RALYL: variants seen among roughly 807,000 people sequenced by gnomAD.
The protein encoded by RALYL is RNA-binding Raly-like protein.
In RALYL, 29 loss-of-function variants were observed where a neutral mutation model predicts 35.1. That is an observed-to-expected ratio of 0.83 (90% CI 0.61 to 1.13). The LOEUF (loss-of-function observed/expected upper bound fraction) is 1.13. Among genes scored for constraint, RALYL ranks in the 50% most tolerant of loss-of-function variants. RALYL has a pLI of 0.00. For missense variants in RALYL, 359 were observed against 360.4 expected, an observed-to-expected ratio of 1.00 and a Z score of 0.03; for synonymous variants, 120 against 127.6, an observed-to-expected ratio of 0.94 and a Z score of 0.40.
In RALYL at chr8:84,397,781, A is replaced by G. The variant is rs537479152; in HGVS notation, c.-23-131518A>G. Among the ~76,000 whole-genome samples the G allele has an allele frequency of 3.3e-5, 5 of 151,658 alleles. No homozygotes were observed. The South Asian group carries it at 1.0e-3, about 31-fold the overall frequency. ...GATCATGTTCTTGCATCAGTCGCAGACAAGCAAAAAGCTGAACTCAGTACT... is the reference window on the plus strand; with the variant it reads ...GATCATGTTCTTGCATCAGTCGCAGGCAAGCAAAAAGCTGAACTCAGTACT... On this transcript the variant is annotated intron_variant, in intron 1 of 8. Coordinates refer to ENST00000521268, the MANE Select transcript of RALYL (RefSeq NM_173848.7).
chr8:84,732,667 A>G, intron 2 of RALYL, among the ~76,000 whole-genome samples: 1 of 98,690 alleles, frequency 1.0e-5, no homozygotes, highest in African/African-American at 5.6e-5. Flanking sequence ...TTATTAAATA[A>G]TTATATATAT....
At chr8:84,316,022 T>A (rs191477984) in intron 1 of RALYL, among the ~76,000 whole-genome samples, 206 of 152,270 alleles carry the variant, frequency 1.4e-3, no homozygotes, top group African/African-American at 4.5e-3. Flanking sequence ...TAACACTTTG[T>A]AAAATTATCT....
intron 1 of RALYL, among the ~76,000 whole-genome samples, chr8:84,473,655 G>T (rs539213245): frequency 1.3e-5 from 2 of 151,572 alleles, no homozygotes; most frequent in Admixed American, 6.6e-5. Context: ...AACATTTTTG[G>T]GTATGTTCAT....
intron 1 of RALYL, among the ~76,000 whole-genome samples, chr8:84,307,440 T>G (rs1248951235): frequency 6.6e-6 from 1 of 152,082 alleles, no homozygotes; most frequent in African/African-American, 2.4e-5. Context: ...TGCCCTCTCT[T>G]GTCAATTCCA....
intron 1 of RALYL, among the ~76,000 whole-genome samples, chr8:84,479,085 CAAAAAAAAAAAAAAAAAAAAAAAA>C (rs56799862): frequency 4.6e-5 from 1 of 21,824 alleles, no homozygotes. Context: ...GACTCCGTCT[CAAAAAAAAAAAAAAAAAAAAAAAA>C]AAAAAAAAAA....
At chr8:84,370,477 T>C (rs1296574577) in intron 1 of RALYL, among the ~76,000 whole-genome samples, 2 of 151,484 alleles carry the variant, frequency 1.3e-5, no homozygotes, top group African/African-American at 2.4e-5. Context: ...CATACACACA[T>C]AAAGTGTTTT....
intron 2 of RALYL, among the ~76,000 whole-genome samples, chr8:84,698,340 T>C (rs1400905978): frequency 6.6e-6 from 1 of 152,138 alleles, no homozygotes; most frequent in Non-Finnish European, 1.5e-5. Flanking sequence ...AAATACCTCA[T>C]CTATATTTAA....
intron 2 of RALYL, among the ~76,000 whole-genome samples, chr8:84,704,240 C>T (rs1327239386): frequency 6.6e-6 from 1 of 152,128 alleles, no homozygotes; most frequent in African/African-American, 2.4e-5. Context: ...GCCTGGCCAA[C>T]ATGGCGAAAC....
chr8:84,743,866 T>A (rs1807969840), intron 2 of RALYL, among the ~76,000 whole-genome samples: 1 of 152,000 alleles, frequency 6.6e-6, no homozygotes, highest in Non-Finnish European at 1.5e-5. Context: ...ATGATTTCAC[T>A]TATATAAGGT....
chr8:84,243,580 T>C (rs973213705), intron 1 of RALYL, among the ~76,000 whole-genome samples: 5 of 149,884 alleles, frequency 3.3e-5, no homozygotes, highest in Admixed American at 2.0e-4. Flanking sequence ...CTGGGAGGTA[T>C]GCATCTCTCT....
At chr8:84,777,495 T>C (rs1240143441) in intron 3 of RALYL, among the ~76,000 whole-genome samples, 1 of 152,134 alleles carries the variant, frequency 6.6e-6, no homozygotes, top group African/African-American at 2.4e-5. Context: ...TGTAACATAG[T>C]AGTTGTATAA....
At chr8:84,318,089 G>T (rs1844099691) in intron 1 of RALYL, among the ~76,000 whole-genome samples, 2 of 152,024 alleles carry the variant, frequency 1.3e-5, no homozygotes, top group South Asian at 4.2e-4. Flanking sequence ...TGCCTCTATG[G>T]TAGGACTGGC....
chr8:84,765,092 G>GA (rs1813595220), intron 2 of RALYL, among the ~76,000 whole-genome samples: 2 of 152,124 alleles, frequency 1.3e-5, no homozygotes. Context: ...ACCTGGCCAG[G>GA]AAATTGCAGG....
At chr8:84,263,414 T>G (rs774174068) in intron 1 of RALYL, among the ~76,000 whole-genome samples, 4 of 152,192 alleles carry the variant, frequency 2.6e-5, no homozygotes, top group Admixed American at 1.3e-4. Context: ...ATTACTTGTA[T>G]GTTGTGACAT....
chr8:84,322,117 C>G (rs1844965991), intron 1 of RALYL, among the ~76,000 whole-genome samples: 1 of 152,004 alleles, frequency 6.6e-6, no homozygotes, highest in Admixed American at 6.6e-5. Flanking sequence ...ATACATAAAG[C>G]AGACAAAAAC....
chr8:84,428,658 A>G (rs1316533000), intron 1 of RALYL, among the ~76,000 whole-genome samples: 1 of 152,096 alleles, frequency 6.6e-6, no homozygotes, highest in African/African-American at 2.4e-5. Context: ...CTTTACTTTT[A>G]TTTGCTCACA....
intron 2 of RALYL, among the ~76,000 whole-genome samples, chr8:84,663,507 T>G (rs1255464540): frequency 6.6e-6 from 1 of 152,204 alleles, no homozygotes; most frequent in Non-Finnish European, 1.5e-5. Flanking sequence ...TTTTTAATAA[T>G]AGCCATTCTG....
chr8:84,192,899 G>T (rs548003044), intron 1 of RALYL, among the ~76,000 whole-genome samples: 1 of 126,244 alleles, frequency 7.9e-6, no homozygotes, highest in Non-Finnish European at 1.7e-5. Context: ...GTGTGTGTGT[G>T]TGTGTGTGGG....
intron 8 of RALYL, among the ~76,000 whole-genome samples, chr8:84,907,189 G>T (rs1445017172): frequency 6.6e-6 from 1 of 151,968 alleles, no homozygotes; most frequent in Non-Finnish European, 1.5e-5. Context: ...ACCTACCCCT[G>T]CTATTTAAAG....
Sources: gnomAD v4.1 joint callset for allele counts (sites outside exome capture counted in the v4.1 genomes callset) on GRCh38, gnomAD v4.1.1 for gene constraint, MANE v1.5 for transcripts, NCBI Gene and HGNC (gene_info 2026-07-23, HGNC 2026-07-21) for gene names.